The following EFCAB3 variants were observed in gnomAD, a reference collection of about 807,000 sequenced individuals.
The protein encoded by EFCAB3 is EF-hand calcium-binding domain-containing protein 3.
In EFCAB3, 36 loss-of-function variants were observed where a neutral mutation model predicts 42.2. The ratio of observed to expected loss-of-function variants is 0.85; its 90% CI spans 0.65 to 1.13. The LOEUF is 1.13. EFCAB3 is among the 50% of genes most tolerant of loss of function. The probability of loss-of-function intolerance (pLI) is 0.00; values close to 1 mark genes in which losing one functional copy is unlikely to be tolerated. For synonymous variants in EFCAB3, 170 were observed against 172.8 expected, an observed-to-expected ratio of 0.98 and a Z score of 0.13; for missense variants, 418 against 505.1, an observed-to-expected ratio of 0.83 and a Z score of 1.65.
At position 62,383,001 on chromosome 17, in the gene EFCAB3, C is replaced by T; in HGVS notation, c.22C>T (p.Pro8Ser). Reference protein sequence around the residue: MAVSEIKPKLKLNPLTKV... With the variant: MAVSEIKSKLKLNPLTKV... ...CCACATGGCAGTTTCAGAAATTAAA[C>T]CAAAACTTAAGCTGAATCCTCTAAC... The change falls in exon 2 of 10, where the codon CCA (proline) becomes TCA (serine). Residue 8 changes from proline (P) to serine (S), a missense_variant. Transcript: ENST00000305286. 6.2e-7 allele frequency: 1 copy of T among 1,613,616 alleles called. No homozygotes were observed. Among genetic ancestry groups the T allele is most frequent in the Non-Finnish European group, 8.5e-7 (1 of 1,179,856 alleles).
At chr17:62,398,545 T>A (rs1022377645) in intron 6 of EFCAB3, among the ~76,000 whole-genome samples, 5 of 149,714 alleles carry the variant, frequency 3.3e-5, no homozygotes, top group Non-Finnish European at 7.4e-5. Flanking sequence ...GGCACAGGCC[T>A]GTCGTCTCAG....
intron 6 of EFCAB3, among the ~76,000 whole-genome samples, chr17:62,405,597 A>G (rs1446006476): frequency 6.6e-6 from 1 of 152,220 alleles, no homozygotes; most frequent in Admixed American, 6.5e-5. Flanking sequence ...GCAGATCCCT[A>G]CCATAGCTGC....
Position 62,416,392 on chromosome 17 carries a change from T to C in EFCAB3, c.*63T>C. 7.7e-7 allele frequency: 1 copy of C among 1,296,408 alleles called. No individual in the cohort carries two copies. The highest frequency in any genetic ancestry group is 1.1e-6 in the Non-Finnish European group (1 of 952,312). The allele number at this position is 1,296,408 out of a possible 1,614,324, so 80.3% of individuals were successfully genotyped here. A position where few individuals can be genotyped will look rare whatever the true frequency, so the allele number is the denominator to read the frequency against. On this transcript the variant is annotated 3_prime_UTR_variant, in exon 10 of 10. Transcript: ENST00000305286. The stretch of plus-strand genomic sequence containing the variant: ...TTTTTCATAGTTATCAAAATTATTG[T>C]TTCTTGCTTTTGTCTAAGTACATTC...
At chr17:62,371,984 G>C (rs1312144691) in intron 1 of EFCAB3, among the ~76,000 whole-genome samples, 1 of 152,158 alleles carries the variant, frequency 6.6e-6, no homozygotes, top group East Asian at 1.9e-4. Flanking sequence ...AGAGTATATT[G>C]ATTTATTCAA....
chr17:62,380,380 G>A (rs989239204), upstream of EFCAB3, among the ~76,000 whole-genome samples: 2 of 152,184 alleles, frequency 1.3e-5, no homozygotes, highest in African/African-American at 4.8e-5. Context: ...AATTCCAACA[G>A]TGTCAAAATG....
chr17:62,398,208 C>T, intron 6 of EFCAB3: 1 of 176,032 alleles, frequency 5.7e-6, no homozygotes, highest in Admixed American at 6.1e-5. Context: ...AATTCCAACA[C>T]TTTGGGAGGC....
chr17:62,382,052 C>T (rs2070206863), intron 1 of EFCAB3: 1 of 193,454 alleles, frequency 5.2e-6, no homozygotes, highest in Non-Finnish European at 1.2e-5. Flanking sequence ...TTTTACACAT[C>T]CAAAAACAAA....
At position 62,393,635 on chromosome 17, in the gene EFCAB3, A is replaced by C. The variant is rs762816457; in HGVS notation, c.358A>C (p.Lys120Gln). ...KVLTDKNLFL[K>Q]AVVPEKETCL... ...TCTAACAGATAAGAATCTCTTCCTC[A>C]AGGCAGTGGGTGAGTAGAGATGTTA... is the stretch of plus-strand genomic sequence containing the variant. Residue 120 changes from lysine to glutamine, a missense_variant, in exon 5 of 10, where the codon AAG (lysine) becomes CAG (glutamine). Physicochemically the swap from Lys to Gln is moderately conservative, Grantham distance 53 (BLOSUM62 1). Transcript: ENST00000305286. 1 of 1,614,004 alleles carries C rather than the reference A, an allele frequency of 6.2e-7. No homozygotes were observed. Among genetic ancestry groups the C allele is most frequent in the South Asian group, 1.1e-5 (1 of 91,072 alleles).
intron 1 of EFCAB3, among the ~76,000 whole-genome samples, chr17:62,373,141 A>G (rs977010484): frequency 2.0e-5 from 3 of 152,170 alleles, no homozygotes; most frequent in East Asian, 3.9e-4. Flanking sequence ...ATTAGCTGGC[A>G]TGATGGCACA....
intron 6 of EFCAB3, among the ~76,000 whole-genome samples, chr17:62,398,722 C>T (rs1327896175): frequency 2.6e-5 from 4 of 151,066 alleles, no homozygotes; most frequent in African/African-American, 7.3e-5. Context: ...CACACACACA[C>T]ATATATATAT....
At chr17:62,384,364 G>C (rs57199692) in intron 2 of EFCAB3, among the ~76,000 whole-genome samples, 1 of 152,018 alleles carries the variant, frequency 6.6e-6, no homozygotes, top group African/African-American at 2.4e-5. Context: ...GGCCTAGCAC[G>C]GTGGCTCACA....
chr17:62,380,657 A>T (rs2070188336), intron 1 of EFCAB3, 44 bp downstream of exon 1: 1 of 913,534 alleles, frequency 1.1e-6, no homozygotes, highest in Non-Finnish European at 1.3e-6. Flanking sequence ...AGTCCTTTTT[A>T]AAAAATCTAT....
chr17:62,375,497 A>G (rs542467600), intron 2 of EFCAB3, among the ~76,000 whole-genome samples: 1 of 152,350 alleles, frequency 6.6e-6, no homozygotes, highest in East Asian at 1.9e-4. Context: ...TTTAGCAATG[A>G]CCAAAAGATA....
intron 2 of EFCAB3, among the ~76,000 whole-genome samples, chr17:62,386,778 A>T (rs573407030): frequency 1.3e-5 from 2 of 151,234 alleles, no homozygotes; most frequent in East Asian, 3.9e-4. Context: ...GGGAAATCGT[A>T]ACTGGTTTTT....
intron 1 of EFCAB3, chr17:62,381,665 C>T (rs2070200294): frequency 4.9e-6 from 1 of 203,450 alleles, no homozygotes; most frequent in Non-Finnish European, 1.0e-5. Context: ...GACGCCCGCC[C>T]CCAGTGCGCT....
intron 6 of EFCAB3, among the ~76,000 whole-genome samples, chr17:62,398,471 A>C (rs1411188028): frequency 6.7e-6 from 1 of 148,300 alleles, no homozygotes; most frequent in Non-Finnish European, 1.5e-5. Context: ...AAAGAAAAAA[A>C]AAACTGTAGT....
intron 1 of EFCAB3, chr17:62,373,779 G>T (rs1442620065): frequency 7.9e-7 from 1 of 1,262,238 alleles, no homozygotes; most frequent in South Asian, 1.4e-5. Context: ...ATTTTTATGT[G>T]ACTGCCTCTG....
chr17:62,402,863 G>A (rs1019847843), intron 6 of EFCAB3, among the ~76,000 whole-genome samples: 2 of 152,174 alleles, frequency 1.3e-5, no homozygotes, highest in Admixed American at 1.3e-4. Context: ...TCAGAAGAAT[G>A]GTACCAGCTC....
At chr17:62,375,303 T>C (rs1016781429) in intron 2 of EFCAB3, among the ~76,000 whole-genome samples, 3 of 152,204 alleles carry the variant, frequency 2.0e-5, no homozygotes, top group Admixed American at 1.3e-4. Context: ...GTCTATCCCA[T>C]CTATTGCTGC....
Sources: gnomAD v4.1 joint callset for allele counts (sites outside exome capture counted in the v4.1 genomes callset) on GRCh38, gnomAD v4.1.1 for gene constraint, MANE v1.5 for transcripts, NCBI Gene and HGNC (gene_info 2026-07-23, HGNC 2026-07-21) for gene names.